The following CLMN variants were observed in gnomAD, a reference collection of about 807,000 sequenced individuals.
CLMN encodes calmin, also known as calmin (calponin-like, transmembrane).
CLMN carries 57 observed loss-of-function variants against 92.7 expected under a neutral mutation model. That is an observed-to-expected ratio of 0.61 (90% CI 0.50 to 0.77). The LOEUF (loss-of-function observed/expected upper bound fraction) is 0.77, where lower values mean the gene tolerates loss of function less well. Among genes scored for constraint, CLMN ranks in the 30% least tolerant of loss-of-function variants. The pLI is 0.00. For missense variants in CLMN, 1,158 were observed against 1,237.5 expected (o/e 0.94, Z 0.96); for synonymous variants, 466 against 470.6 (o/e 0.99, Z 0.13).
Position 95,268,794 on chromosome 14 carries a change from CTTTTTT to C in CLMN, c.83-38667_83-38662del, listed in dbSNP as rs985091508. Among the ~76,000 whole-genome samples, 4 of 63,110 alleles carry C rather than the reference CTTTTTT, an allele frequency of 6.3e-5. No homozygotes were observed. In the East Asian group the frequency reaches 1.4e-3, roughly 22 times the overall value. The allele number at this position is 63,110 out of a possible 152,430, so 41.4% of individuals were successfully genotyped here. A position where few individuals can be genotyped will look rare whatever the true frequency, so the allele number is the denominator to read the frequency against. On this transcript the variant is annotated intron_variant, in intron 1 of 12. Transcript: ENST00000298912. ...TACTGGGACCTCTCTCTCTCTCTCT[CTTTTTT>C]TTTTTTTTTTTTTTTTTTTTTTAGA... is the stretch of plus-strand genomic sequence containing the variant.
At chr14:95,277,425 C>G (rs1214577464) in intron 1 of CLMN, among the ~76,000 whole-genome samples, 1 of 152,182 alleles carries the variant, frequency 6.6e-6, no homozygotes, top group Non-Finnish European at 1.5e-5. Flanking sequence ...AACCACGTGG[C>G]AGTTCTGTCT....
Position 95,213,417 on chromosome 14 carries a change from G to A in CLMN, c.418-8C>T. 6.3e-7 allele frequency: 1 copy of A among 1,594,332 alleles called. No homozygotes were observed. The highest frequency in any genetic ancestry group is 8.5e-7 in the Non-Finnish European group (1 of 1,171,882). On this transcript the variant is annotated splice_region_variant and splice_polypyrimidine_tract_variant and intron_variant, in intron 5 of 12. Transcript: ENST00000298912. Reference sequence around the variant, plus strand: ...GCCTGTGAGCTCCTTAATCTGGAAGGAAAATGGCATTTCAGACCCCAGCAA... The same window carrying A: ...GCCTGTGAGCTCCTTAATCTGGAAGAAAAATGGCATTTCAGACCCCAGCAA...
rs1896503252 is a variant in CLMN at position 95,189,091 on chromosome 14, T to C, written c.*2473A>G. 6.6e-6 allele frequency: 1 copy of C among 152,124 alleles called. No individual in the cohort carries two copies. The highest frequency in any genetic ancestry group is 1.5e-5 in the Non-Finnish European group (1 of 68,030). 9.4% of individuals were successfully genotyped at this position (152,124 alleles called of 1,614,324 possible). A position where few individuals can be genotyped will look rare whatever the true frequency, so the allele number is the denominator to read the frequency against. On this transcript the variant is annotated 3_prime_UTR_variant, in exon 13 of 13. Transcript: ENST00000298912. Reference sequence around the variant, plus strand: ...GCTGGGCTTGGGAGTCAACAATCCTTAAGTGCTCCAGGTAATGTCAACACC... The same window carrying C: ...GCTGGGCTTGGGAGTCAACAATCCTCAAGTGCTCCAGGTAATGTCAACACC...
chr14:95,310,525 G>A (rs1257907895), intron 1 of CLMN, among the ~76,000 whole-genome samples: 3 of 152,224 alleles, frequency 2.0e-5, no homozygotes, highest in African/African-American at 4.8e-5. Context: ...ATATTCACCC[G>A]TTTGGGGGAT....
intron 3 of CLMN, among the ~76,000 whole-genome samples, chr14:95,222,839 C>T (rs1297694820): frequency 6.6e-6 from 1 of 152,186 alleles, no homozygotes. Context: ...ATACCAGCTA[C>T]ATTATATCTG....
At position 95,290,306 on chromosome 14, in the gene CLMN, A is replaced by G. The variant is rs145188276; in HGVS notation, c.82+29405T>C. On this transcript the variant is annotated intron_variant, in intron 1 of 12. Coordinates refer to ENST00000298912, the MANE Select transcript of CLMN (RefSeq NM_024734.4). ...CTCCCCCAAAGATGTCCAGATCCCA[A>G]TCCCTGGAGTCTGTGTGTTGCCTTT... 3.9e-5 allele frequency among the ~76,000 whole-genome samples: 6 copies of G among 152,342 alleles called. No individual in the cohort carries two copies. The East Asian group carries it at 1.2e-3, about 29-fold the overall frequency.
intron 1 of CLMN, among the ~76,000 whole-genome samples, chr14:95,311,671 C>G (rs1031353134): frequency 2.0e-5 from 3 of 152,144 alleles, no homozygotes; most frequent in Non-Finnish European, 4.4e-5. Flanking sequence ...CCGTCTGGGA[C>G]GCACCATCCT....
intron 1 of CLMN, among the ~76,000 whole-genome samples, chr14:95,282,988 GGC>G (rs1356388638): frequency 1.3e-5 from 2 of 152,232 alleles, no homozygotes; most frequent in Non-Finnish European, 2.9e-5. Flanking sequence ...AGGGCAGTCG[GGC>G]TGGAGCAGAT....
chr14:95,209,789 T>G (rs1189645918), intron 7 of CLMN, among the ~76,000 whole-genome samples: 1 of 152,206 alleles, frequency 6.6e-6, no homozygotes, highest in Non-Finnish European at 1.5e-5. Context: ...GCAAGGACGG[T>G]GAACCAGGCA....
intron 9 of CLMN, among the ~76,000 whole-genome samples, chr14:95,201,878 C>A (rs1288256769): frequency 6.6e-6 from 1 of 152,156 alleles, no homozygotes; most frequent in Non-Finnish European, 1.5e-5. Context: ...TGGCTTCCAG[C>A]TTCATCCATG....
chr14:95,204,479 AAAAC>A lies in CLMN; in HGVS notation c.886-20_886-17del, dbSNP rs762074089. 338 of 1,546,034 alleles carry A rather than the reference AAAAC, an allele frequency of 2.2e-4. No homozygotes were observed. The highest frequency in any genetic ancestry group is 2.5e-4 in the Non-Finnish European group (291 of 1,152,706). ...AAATATCTTCCTGCAAAAAAAAACAAAAACAAACAAACAAAAAAAAACAAAAGAA... is the reference window on the plus strand; with the variant it reads ...AAATATCTTCCTGCAAAAAAAAACAAAAACAAACAAAAAAAAACAAAAGAA... On this transcript the variant is annotated splice_polypyrimidine_tract_variant and intron_variant, in intron 8 of 12. Transcript: ENST00000298912.
In CLMN at chr14:95,183,608, CTG is replaced by C. The variant is rs575143511; in HGVS notation, c.*7954_*7955del. 18 of 152,318 alleles carry C rather than the reference CTG, an allele frequency of 1.2e-4. No homozygotes were observed. The East Asian group carries it at 3.5e-3, about 29-fold the overall frequency. The allele number at this position is 152,318 out of a possible 1,614,324, so 9.4% of individuals were successfully genotyped here. A position where few individuals can be genotyped will look rare whatever the true frequency, so the allele number is the denominator to read the frequency against. ...GAAGGAGAAAGCCCAATTTCCTACT[CTG>C]TGAAGTACGTGTTAGAGGTGCAGAG... On this transcript the variant is annotated 3_prime_UTR_variant, in exon 13 of 13. Transcript: ENST00000298912.
chr14:95,243,577 T>C (rs1468323612), intron 1 of CLMN, among the ~76,000 whole-genome samples: 1 of 152,020 alleles, frequency 6.6e-6, no homozygotes, highest in Non-Finnish European at 1.5e-5. Flanking sequence ...TTCCTTTGTT[T>C]GAAGAATCCA....
chr14:95,196,682 G>T lies in CLMN; in HGVS notation c.2524C>A (p.Pro842Thr), dbSNP rs752635208. ...GGGTTTGCTATGTTTTCCAGGTTTG[G>T]GGATTCCTGGGACTGAAAGACAGAA... ...PMDSHQSQES[P>T]NLENIANPLE... is the part of the protein sequence containing the mutation. The change falls in exon 10 of 13, where the codon CCA becomes ACA. Residue 842 changes from proline (P) to threonine (T), a missense_variant. Physicochemically the swap from Pro to Thr is conservative, Grantham distance 38. Coordinates refer to ENST00000298912, the MANE Select transcript of CLMN (RefSeq NM_024734.4). The T allele has an allele frequency of 1.2e-6, 2 of 1,612,498 alleles. No homozygotes were observed. Among genetic ancestry groups the T allele is most frequent in the South Asian group, 2.2e-5 (2 of 90,868 alleles).
intron 1 of CLMN, among the ~76,000 whole-genome samples, chr14:95,244,706 A>C (rs915360848): frequency 2.0e-5 from 3 of 152,132 alleles, no homozygotes; most frequent in Admixed American, 2.0e-4. Context: ...CAGGTTTGTT[A>C]GGGGTCAATT....
chr14:95,315,777 G>T (rs115760687), intron 1 of CLMN, among the ~76,000 whole-genome samples: 4 of 152,208 alleles, frequency 2.6e-5, no homozygotes, highest in Non-Finnish European at 5.9e-5. Context: ...CCTCTGCACC[G>T]CTAGAATCAG....
At chr14:95,274,221 C>T (rs910569103) in intron 1 of CLMN, among the ~76,000 whole-genome samples, 1 of 152,078 alleles carries the variant, frequency 6.6e-6, no homozygotes, top group Non-Finnish European at 1.5e-5. Context: ...GAGCTCTCTG[C>T]GCACCCAGAT....
intron 8 of CLMN, 143 bp downstream of exon 8, chr14:95,209,252 G>A: frequency 1.4e-6 from 1 of 721,290 alleles, no homozygotes; most frequent in Non-Finnish European, 2.6e-6. Context: ...ACATGGTAAG[G>A]CCGTGCTCAA....
intron 8 of CLMN, among the ~76,000 whole-genome samples, chr14:95,205,357 AT>A (rs1205582798): frequency 1.3e-5 from 2 of 152,210 alleles, no homozygotes; most frequent in Non-Finnish European, 2.9e-5. Context: ...TAATCACTAG[AT>A]ATAGACCCAT....
Sources: allele counts gnomAD v4.1 joint callset (sites outside exome capture counted in the v4.1 genomes callset), GRCh38; gene constraint gnomAD v4.1.1; transcripts MANE v1.5; gene names NCBI Gene and HGNC (gene_info 2026-07-23, HGNC 2026-07-21).